TRIM37: variants seen among roughly 807,000 people sequenced by gnomAD.
TRIM37 encodes E3 ubiquitin-protein ligase TRIM37.
In TRIM37, 80 loss-of-function variants were observed where a neutral mutation model predicts 129.8. That is an observed-to-expected ratio of 0.62 (90% CI 0.51 to 0.74). The LOEUF (loss-of-function observed/expected upper bound fraction) is 0.74. TRIM37 is among the 30% of genes least tolerant of loss of function. The pLI is 0.00. For missense variants in TRIM37, 1,054 were observed against 1,176.5 expected, an observed-to-expected ratio of 0.90 and a Z score of 1.52; for synonymous variants, 389 against 387.1, an observed-to-expected ratio of 1.00 and a Z score of -0.06.
At chr17:59,050,597 A>G (rs567809900) in intron 14 of TRIM37, among the ~76,000 whole-genome samples, 5 of 152,088 alleles carry the variant, frequency 3.3e-5, no homozygotes, top group African/African-American at 1.2e-4. Flanking sequence ...TGGGAAGATC[A>G]CCCGAGCTTG....
downstream of TRIM37, chr17:58,980,316 A>AT: frequency 6.2e-7 from 1 of 1,614,136 alleles, no homozygotes; most frequent in Non-Finnish European, 8.5e-7. The surrounding 1 kb of genome is among the most constrained non-coding windows in gnomAD (Gnocchi z 4.7). Flanking sequence ...GGTGGGGATG[A>AT]TAAGGAGAAT....
rs189133051 is a variant in TRIM37, at chr17:59,083,641, T to C, written c.369+361A>G. 2.7e-3 allele frequency among the ~76,000 whole-genome samples: 404 copies of C among 152,280 alleles called. 1 individual carries two copies. The highest frequency in any genetic ancestry group is 6.8e-3 in the Middle Eastern group (2 of 294). ...AGGCGTACTCATGTTGTTTCACAAG[T>C]GTCTAAGTTCGTGCTCCATTTTAAA... On this transcript the variant is annotated intron_variant, in intron 5 of 23. Transcript: ENST00000262294.
chr17:59,024,318 T>C (rs2036986112), intron 19 of TRIM37, among the ~76,000 whole-genome samples: 1 of 151,424 alleles, frequency 6.6e-6, no homozygotes, highest in Admixed American at 6.6e-5. Context: ...TAGAAAATAC[T>C]ATCAGAGAAA....
intron 24 of TRIM37, chr17:58,983,646 T>C (rs1050454566): frequency 3.9e-5 from 6 of 152,676 alleles, no homozygotes; most frequent in Admixed American, 3.9e-4. Flanking sequence ...ATAATATCTA[T>C]AAACTGTTAA....
rs1010467504 is a variant in TRIM37 at position 59,001,714 on chromosome 17, C to T, written c.2696G>A (p.Gly899Glu). The T allele has an allele frequency of 2.5e-6, 4 of 1,613,880 alleles. No homozygotes were observed. In the African/African-American group the frequency reaches 5.3e-5, roughly 22 times the overall value. Residue 899 changes from glycine (G) to glutamate (E), a missense_variant and splice_region_variant, in exon 23 of 24, where the codon GGA becomes GAA. Around this residue, in one of 3 missense-constraint regions of TRIM37, gnomAD observed 287 missense variants for 274.3 expected, o/e 1.05. Coordinates refer to ENST00000262294, the MANE Select transcript of TRIM37 (RefSeq NM_015294.6). ...TTCAATGTCACTGTCGCTACTCATT[C>T]CTGGCAGGAAGGAAGGAGAACATGT... ...PEGASAAPEEGMSSDSDIECD... is the reference protein window; with the variant it reads ...PEGASAAPEEEMSSDSDIECD...
chr17:59,062,724 A>C, intron 10 of TRIM37, 76 bp from the exon 11 acceptor site: 1 of 1,186,204 alleles, frequency 8.4e-7, no homozygotes, highest in Non-Finnish European at 1.3e-6. Flanking sequence ...AGAAAGACCA[A>C]CCAGTTTCTT....
intron 22 of TRIM37, among the ~76,000 whole-genome samples, chr17:59,002,110 C>G (rs1483371267): frequency 1.3e-5 from 2 of 151,964 alleles, no homozygotes; most frequent in Non-Finnish European, 2.9e-5. Flanking sequence ...TAGCCTAAAA[C>G]ATAAATATAA....
chr17:59,040,056 C>A (rs892974901), intron 17 of TRIM37, among the ~76,000 whole-genome samples: 13 of 151,920 alleles, frequency 8.6e-5, no homozygotes, highest in African/African-American at 3.1e-4. Context: ...AATTTAGCCA[C>A]CACATCTGGC....
chr17:58,990,908 C>T (rs1314529684), intron 24 of TRIM37, among the ~76,000 whole-genome samples: 1 of 151,514 alleles, frequency 6.6e-6, no homozygotes, highest in East Asian at 1.9e-4. Flanking sequence ...GGCACGGTGG[C>T]TCACGGCTAT....
chr17:59,028,406 ATTAC>A lies in TRIM37; in HGVS notation c.2257+5_2257+8del. 1 of 1,609,172 alleles carries A rather than the reference ATTAC, an allele frequency of 6.2e-7. No individual in the cohort carries two copies. Among genetic ancestry groups the A allele is most frequent in the Non-Finnish European group, 8.5e-7 (1 of 1,179,486 alleles). ...TGTGGAGAAATGACACTGGGAACAT[ATTAC>A]TTACAGTTTCGTATGTAACAATTGG... On this transcript the variant is annotated splice_donor_5th_base_variant and intron_variant, in intron 19 of 23. Coordinates refer to ENST00000262294, the MANE Select transcript of TRIM37 (RefSeq NM_015294.6).
chr17:59,103,017 A>G (rs1450365951), intron 2 of TRIM37, among the ~76,000 whole-genome samples: 1 of 150,842 alleles, frequency 6.6e-6, no homozygotes, highest in Non-Finnish European at 1.5e-5. Flanking sequence ...GGACTACAGG[A>G]GCATGCCACC....
At chr17:59,016,371 G>A (rs1348459373) in intron 20 of TRIM37, among the ~76,000 whole-genome samples, 1 of 140,396 alleles carries the variant, frequency 7.1e-6, no homozygotes, top group Admixed American at 7.4e-5. Context: ...TCCAGCCTGG[G>A]CAACTAGAGG....
chr17:58,980,818 A>C, downstream of TRIM37: 1 of 1,614,220 alleles, frequency 6.2e-7, no homozygotes, highest in South Asian at 1.1e-5. This position sits in a 1 kb window ranked among gnomAD's most constrained non-coding sequence, Gnocchi z 4.7. Flanking sequence ...GGTTTAATCC[A>C]AAGTTTTATT....
Position 59,071,037 on chromosome 17 carries a change from T to C in TRIM37, c.685-90A>G, listed in dbSNP as rs182296675. On this transcript the variant is annotated intron_variant, in intron 8 of 23. Transcript: ENST00000262294. ...AAGAAATTACAAATTATTCTGATTA[T>C]AAACTGAAAAAAATGATAAAAATAA... The C allele has an allele frequency of 6.2e-6, 9 of 1,446,712 alleles. No individual in the cohort carries two copies. In the African/African-American group the frequency reaches 1.0e-4, roughly 16 times the overall value. The allele number at this position is 1,446,712 out of a possible 1,614,324, so 89.6% of individuals were successfully genotyped here.
chr17:58,982,979 G>A, intron 24 of TRIM37: 1 of 1,446,572 alleles, frequency 6.9e-7, no homozygotes, highest in Middle Eastern at 1.8e-4. Flanking sequence ...AGTCCAAAGT[G>A]CTTAGCGAAG....
Position 59,106,801 on chromosome 17 carries a change from A to T in TRIM37, c.-340T>A. 1 of 510,314 alleles carries T rather than the reference A, an allele frequency of 2.0e-6. No homozygotes were observed. The highest frequency in any genetic ancestry group is 2.3e-5 in the South Asian group (1 of 43,950). The allele number at this position is 510,314 out of a possible 1,614,324, so 31.6% of individuals were successfully genotyped here. On this transcript the variant is annotated 5_prime_UTR_variant, in exon 1 of 24. Transcript: ENST00000262294. The stretch of plus-strand genomic sequence containing the variant: ...GCCTATGGAACTGACGGTGGAGTTC[A>T]GCGAAGAAGGTGCCGCAGAGAATTC...
the TRIM37 span, chr17:58,969,694 T>C: frequency 1.3e-5 from 21 of 1,614,050 alleles, no homozygotes; most frequent in Non-Finnish European, 1.6e-5. Flanking sequence ...TCCGGGTCAC[T>C]GATGAGCGGT....
At chr17:59,092,606 A>C (rs1019794575) in intron 2 of TRIM37, among the ~76,000 whole-genome samples, 2 of 152,074 alleles carry the variant, frequency 1.3e-5, no homozygotes, top group South Asian at 2.1e-4. Context: ...GTTTTCAGGA[A>C]ACAACAGGTT....
At chr17:59,030,435 G>C (rs778019943) in intron 18 of TRIM37, among the ~76,000 whole-genome samples, 40 of 152,094 alleles carry the variant, frequency 2.6e-4, no homozygotes, top group Admixed American at 5.9e-4. Context: ...CTGTCTACTG[G>C]TCCTTTCTAA....
Sources: gnomAD v4.1 joint callset for allele counts (sites outside exome capture counted in the v4.1 genomes callset) on GRCh38, gnomAD v4.1.1 for gene constraint, gnomAD v4.1.1 regional missense constraint, Gnocchi (gnomAD v3.1) non-coding constraint, MANE v1.5 for transcripts, NCBI Gene and HGNC (gene_info 2026-07-23, HGNC 2026-07-21) for gene names.